The following C11orf65 variants were observed in gnomAD, a reference collection of about 807,000 sequenced individuals.
C11orf65 encodes the protein chromosome 11 open reading frame 65, also known as protein MFI.
A neutral mutation model predicts 35.3 loss-of-function variants in C11orf65; 38 were observed. That is an observed-to-expected ratio of 1.08 (90% CI 0.83 to 1.41). The LOEUF is 1.41. Ranked by LOEUF, C11orf65 falls within the 40% of genes most tolerant of loss-of-function variation. The pLI is 0.00. For synonymous variants in C11orf65, 105 were observed against 114.4 expected, an observed-to-expected ratio of 0.92 and a Z score of 0.53; for missense variants, 370 against 367.1, an observed-to-expected ratio of 1.01 and a Z score of -0.06.
chr11:108,354,990 C>A, intron 2 of C11orf65: 1 of 898,188 alleles, frequency 1.1e-6, no homozygotes, highest in Non-Finnish European at 1.8e-6. Context: ...GGGGATGTGG[C>A]TGGGCAGCAG....
rs149755442 is a variant in C11orf65 at position 108,424,729 on chromosome 11, G to A, written c.174+7017C>T. 9.2e-5 allele frequency among the ~76,000 whole-genome samples: 14 copies of A among 152,124 alleles called. No individual in the cohort carries two copies. In the East Asian group the frequency reaches 1.5e-3, roughly 17 times the overall value. The stretch of plus-strand genomic sequence containing the variant: ...GATACATTCTTCTCAACATCACATC[G>A]CACTTATTCTAAATTGACCACATAA... On this transcript the variant is annotated intron_variant, in intron 3 of 8. Coordinates refer to ENST00000393084, the MANE Select transcript of C11orf65 (RefSeq NM_152587.5).
chr11:108,331,377 C>T, downstream of C11orf65: 4 of 1,555,460 alleles, frequency 2.6e-6, no homozygotes, highest in Non-Finnish European at 3.5e-6. Flanking sequence ...AAATAACTTA[C>T]TTGCTTAGAT....
Position 108,320,103 on chromosome 11 carries a change from A to G in C11orf65, c.641-11032T>C, listed in dbSNP as rs2085094079. 7.9e-6 allele frequency: 11 copies of G among 1,397,864 alleles called. No individual in the cohort carries two copies. In the East Asian group the frequency reaches 1.6e-4, roughly 20 times the overall value. 86.6% of individuals were successfully genotyped at this position (1,397,864 alleles called of 1,614,324 possible). ...TTACTGTATTTTAACATTTAATGTCATGGCTTCTTTTCTGAAAACTTGAGA... is the reference window on the plus strand; with the variant it reads ...TTACTGTATTTTAACATTTAATGTCGTGGCTTCTTTTCTGAAAACTTGAGA... On this transcript the variant is annotated intron_variant, in intron 6 of 6. Coordinates refer to the C11orf65 transcript ENST00000525729.
intron 2 of C11orf65, chr11:108,365,016 T>C: frequency 6.4e-7 from 1 of 1,565,634 alleles, no homozygotes; most frequent in Non-Finnish European, 8.8e-7. Flanking sequence ...ATACTGGTTC[T>C]ACTGTTTCTA....
intron 3 of C11orf65, among the ~76,000 whole-genome samples, chr11:108,426,725 C>A (rs1441747863): frequency 6.6e-6 from 1 of 151,904 alleles, no homozygotes; most frequent in Non-Finnish European, 1.5e-5. Context: ...AAGTTGGAGG[C>A]ATCATGCTAC....
intron 3 of C11orf65, 136 bp downstream of exon 3, chr11:108,431,610 A>G: frequency 2.3e-6 from 1 of 427,806 alleles, no homozygotes; most frequent in South Asian, 8.3e-5. Context: ...ATGTTTTATG[A>G]ACTTTCAACA....
rs1454374117 is a variant in C11orf65 at position 108,453,677 on chromosome 11, G to A, written c.81+7802C>T. Among the ~76,000 whole-genome samples, 3 of 152,266 alleles carry A rather than the reference G, an allele frequency of 2.0e-5. No individual in the cohort carries two copies. The East Asian group carries it at 5.8e-4, about 29-fold the overall frequency. ...GAAATATCTATTGAAGTGATCACAT[G>A]CTTTTTGTCCTTTATTCTGTTAATG... On this transcript the variant is annotated intron_variant, in intron 2 of 8. Transcript: ENST00000393084.
rs1166849874 is a variant in C11orf65 at position 108,353,860 on chromosome 11, T to C, written c.227-18568A>G. 1.2e-6 allele frequency: 2 copies of C among 1,613,324 alleles called. No individual in the cohort carries two copies. The highest frequency in any genetic ancestry group is 1.7e-6 in the Non-Finnish European group (2 of 1,179,442). ...TTGTGGATGGCATGGGCATTACGGG[T>C]GTTGAAGGTGTCTTCAGAAGGTAAG... On this transcript the variant is annotated intron_variant, in intron 2 of 3. Transcript: ENST00000524755.
At chr11:108,368,291 A>G (rs1177162363) in intron 2 of C11orf65, 2 of 186,978 alleles carry the variant, frequency 1.1e-5, no homozygotes, top group East Asian at 1.9e-4. Flanking sequence ...TCTGCCTCAA[A>G]AAAAAAAAAA....
At chr11:108,329,133 T>C (rs1555122117), downstream of C11orf65, 6 of 1,614,056 alleles carry the variant, frequency 3.7e-6, no homozygotes, top group South Asian at 1.1e-5. Context: ...TACCAAAGAA[T>C]TGAAAACTAC....
chr11:108,335,312 A>G (rs1366176284), intron 2 of C11orf65: 1 of 1,468,604 alleles, frequency 6.8e-7, no homozygotes, highest in Non-Finnish European at 9.1e-7. Context: ...AATCATTATT[A>G]TATGGTTGAT....
rs189426461 is a variant in C11orf65, at chr11:108,455,600, G to A, written c.81+5879C>T. 8.3e-3 allele frequency among the ~76,000 whole-genome samples: 1,262 copies of A among 151,264 alleles called. 7 individuals are homozygous for A. The highest frequency in any genetic ancestry group is 0.017 in the Middle Eastern group (5 of 288). ...TGGGAGGTCGAGGCGGGCGGATCAC[G>A]AGGTCAGGAGTTCGAGACCAGACTG... On this transcript the variant is annotated intron_variant, in intron 2 of 8. Coordinates refer to ENST00000393084, the MANE Select transcript of C11orf65 (RefSeq NM_152587.5).
chr11:108,391,684 T>A (rs1354048091), intron 7 of C11orf65, among the ~76,000 whole-genome samples: 2 of 151,652 alleles, frequency 1.3e-5, no homozygotes, highest in Non-Finnish European at 2.9e-5. Flanking sequence ...TGGCCCACAA[T>A]GAATTTTCAA....
At chr11:108,449,833 A>C (rs1312331751) in intron 2 of C11orf65, among the ~76,000 whole-genome samples, 1 of 152,022 alleles carries the variant, frequency 6.6e-6, no homozygotes, top group Non-Finnish European at 1.5e-5. Context: ...AGAAACTACC[A>C]TCAGAGTGAA....
rs200322001 is a variant in C11orf65, at chr11:108,376,899, C to G, written c.226+16309G>C. Among the ~76,000 whole-genome samples the G allele has an allele frequency of 1.5e-3, 228 of 151,876 alleles. 1 individual carries two copies. In the East Asian group the frequency reaches 0.015, roughly 10 times the overall value. ...ATCTAGAAGAAATGGATAAATTCCTCGACACATACACTCTCCCGAGACTAA... is the reference window on the plus strand; with the variant it reads ...ATCTAGAAGAAATGGATAAATTCCTGGACACATACACTCTCCCGAGACTAA... On this transcript the variant is annotated intron_variant, in intron 2 of 3. Transcript: ENST00000524755.
intron 2 of C11orf65, among the ~76,000 whole-genome samples, chr11:108,452,095 G>GCAAGGA (rs563857504): frequency 0.031 from 4,755 of 152,158 alleles, 121 homozygotes; most frequent in Non-Finnish European, 0.051. Flanking sequence ...ATAGGCATGG[G>GCAAGGA]CAAGGACTTC....
Position 108,345,901 on chromosome 11 carries a change from T to C in C11orf65, c.227-10609A>G. 1 of 1,613,686 alleles carries C rather than the reference T, an allele frequency of 6.2e-7. No homozygotes were observed. Among genetic ancestry groups the C allele is most frequent in the Non-Finnish European group, 8.5e-7 (1 of 1,179,720 alleles). On this transcript the variant is annotated intron_variant, in intron 2 of 3. Transcript: ENST00000524755. ...CTTATACGCGCAGTGTAGCTACTTC[T>C]TCTATTGGTAATCTTCTTGTACATA...
chr11:108,413,367 ACTGT>A lies in C11orf65; in HGVS notation c.175-6222_175-6219del, dbSNP rs1055095816. 3.8e-4 allele frequency among the ~76,000 whole-genome samples: 57 copies of A among 151,930 alleles called. 1 individual carries two copies. Among genetic ancestry groups the A allele is most frequent in the Non-Finnish European group, 7.4e-5 (5 of 67,988 alleles). The stretch of plus-strand genomic sequence containing the variant: ...AACCAGCTCATCCTTCCAACTCTCC[ACTGT>A]CTATCACTCCACTCTCTACGTTCAT... On this transcript the variant is annotated intron_variant, in intron 3 of 8. Coordinates refer to ENST00000393084, the MANE Select transcript of C11orf65 (RefSeq NM_152587.5).
chr11:108,402,499 A>G (rs1028591681), intron 6 of C11orf65, among the ~76,000 whole-genome samples: 1 of 152,036 alleles, frequency 6.6e-6, no homozygotes, highest in African/African-American at 2.4e-5. Flanking sequence ...TGTGACTATG[A>G]GATAAAGGAC....
Sources: allele counts gnomAD v4.1 joint callset (sites outside exome capture counted in the v4.1 genomes callset), GRCh38; gene constraint gnomAD v4.1.1; transcripts MANE v1.5; gene names NCBI Gene and HGNC (gene_info 2026-07-23, HGNC 2026-07-21).